TBC1D8: variants seen among roughly 807,000 people sequenced by gnomAD.
TBC1D8 encodes the protein TBC1 domain family member 8.
A neutral mutation model predicts 118.8 loss-of-function variants in TBC1D8; 65 were observed. That is an observed-to-expected ratio of 0.55 (90% CI 0.45 to 0.67). The LOEUF (loss-of-function observed/expected upper bound fraction) is 0.67, where lower values mean the gene tolerates loss of function less well. TBC1D8 is among the 30% of genes least tolerant of loss of function. The pLI is 0.00. For synonymous variants in TBC1D8, 566 were observed against 595.8 expected (o/e 0.95, Z 0.73); for missense variants, 1,376 against 1,471.2 (o/e 0.94, Z 1.06).
chr2:101,028,596 T>G, intron 12 of TBC1D8, 164 bp from the exon 13 acceptor site: 1 of 1,038,042 alleles, frequency 9.6e-7, no homozygotes, highest in Non-Finnish European at 1.3e-6. Context: ...CGAGAGGCAG[T>G]CATGAAGCCC....
chr2:101,063,224 C>T (rs370590269), intron 2 of TBC1D8, among the ~76,000 whole-genome samples: 2 of 152,156 alleles, frequency 1.3e-5, no homozygotes, highest in African/African-American at 4.8e-5. Flanking sequence ...AGCTCCAACA[C>T]AATATATCCC....
chr2:101,053,896 C>A (rs955023182), intron 4 of TBC1D8, among the ~76,000 whole-genome samples: 1 of 152,206 alleles, frequency 6.6e-6, no homozygotes, highest in African/African-American at 2.4e-5. Flanking sequence ...GTGAACTATA[C>A]AGGATGTTTC....
intron 14 of TBC1D8, 67 bp downstream of exon 14, chr2:101,027,981 A>G (rs1475571758): frequency 3.5e-6 from 5 of 1,432,086 alleles, no homozygotes; most frequent in Non-Finnish European, 4.9e-6. Context: ...TATGACCAAA[A>G]AGGATGCGCA....
chr2:101,131,553 A>G (rs1451058472), intron 1 of TBC1D8, among the ~76,000 whole-genome samples: 2 of 150,134 alleles, frequency 1.3e-5, no homozygotes, highest in Non-Finnish European at 3.0e-5. Flanking sequence ...AGTGGCTCAC[A>G]CCTATAATCC....
chr2:101,117,836 A>C (rs1171418687), intron 1 of TBC1D8, among the ~76,000 whole-genome samples: 2 of 149,854 alleles, frequency 1.3e-5, no homozygotes, highest in South Asian at 4.2e-4. Flanking sequence ...CGGCCTCCCA[A>C]AGTGCTGGGA....
chr2:101,102,687 G>A (rs1218563119), intron 1 of TBC1D8, among the ~76,000 whole-genome samples: 2 of 151,978 alleles, frequency 1.3e-5, no homozygotes, highest in Admixed American at 6.6e-5. Flanking sequence ...AAGAAAGCAG[G>A]AGTAGCTGTA....
chr2:101,101,826 A>G (rs752520355), intron 1 of TBC1D8, among the ~76,000 whole-genome samples: 7 of 152,244 alleles, frequency 4.6e-5, no homozygotes, highest in East Asian at 1.9e-4. Flanking sequence ...GTTCTCACTC[A>G]TAAGTGGGAG....
At chr2:101,083,186 T>C (rs560816905) in intron 2 of TBC1D8, among the ~76,000 whole-genome samples, 1 of 152,240 alleles carries the variant, frequency 6.6e-6, no homozygotes, top group African/African-American at 2.4e-5. Context: ...TCCCCACTTA[T>C]TCACCCACTC....
At chr2:101,066,344 A>G (rs960528169) in intron 2 of TBC1D8, among the ~76,000 whole-genome samples, 3 of 152,148 alleles carry the variant, frequency 2.0e-5, no homozygotes, top group East Asian at 1.9e-4. Context: ...ATGGTAGAAG[A>G]AGGTACAGGC....
chr2:101,021,575 C>G (rs1680029785), intron 17 of TBC1D8, 106 bp downstream of exon 17: 6 of 792,384 alleles, frequency 7.6e-6, no homozygotes, highest in Middle Eastern at 2.6e-4. Flanking sequence ...CCTGTTGCCT[C>G]AAGCATAAGT....
rs192481162 is a variant in TBC1D8 at position 101,050,711 on chromosome 2, C to G, written c.632-70G>C. ...AGCCAAACTTGAGTGTGTCAGCAAGCAACTATCCAAAGCTCTCCTTAGGCC... is the reference window on the plus strand; with the variant it reads ...AGCCAAACTTGAGTGTGTCAGCAAGGAACTATCCAAAGCTCTCCTTAGGCC... On this transcript the variant is annotated intron_variant, in intron 4 of 19. Coordinates refer to ENST00000409318, the MANE Select transcript of TBC1D8 (RefSeq NM_001330348.2). 6.2e-5 allele frequency: 97 copies of G among 1,569,242 alleles called. No homozygotes were observed. The Middle Eastern group carries it at 8.5e-4, about 14-fold the overall frequency.
rs569201350 is a variant in TBC1D8 at position 101,051,009 on chromosome 2, G to A, written c.632-368C>T. 1.8e-4 allele frequency among the ~76,000 whole-genome samples: 27 copies of A among 152,320 alleles called. No homozygotes were observed. In the South Asian group the frequency reaches 3.1e-3, roughly 18 times the overall value. On this transcript the variant is annotated intron_variant, in intron 4 of 19. Coordinates refer to ENST00000409318, the MANE Select transcript of TBC1D8 (RefSeq NM_001330348.2). Reference sequence around the variant, plus strand: ...TCCCACTTCTAAGTGGAAACATGCGGTATTTGGTTTTCTTGCGTGTTAATT... The same window carrying A: ...TCCCACTTCTAAGTGGAAACATGCGATATTTGGTTTTCTTGCGTGTTAATT...
chr2:101,056,454 C>A (rs1317754563), intron 3 of TBC1D8, among the ~76,000 whole-genome samples: 1 of 152,052 alleles, frequency 6.6e-6, no homozygotes, highest in Non-Finnish European at 1.5e-5. Flanking sequence ...CACCCGCCTC[C>A]CAAAGTGCTG....
chr2:101,049,920 G>A (rs530114696), intron 5 of TBC1D8, among the ~76,000 whole-genome samples: 4 of 150,812 alleles, frequency 2.7e-5, no homozygotes, highest in East Asian at 2.0e-4. Flanking sequence ...TCCGCCTCCC[G>A]GGTTCACGCC....
chr2:101,056,514 AAATCTGGAGGCT>A (rs1682444348), intron 3 of TBC1D8, among the ~76,000 whole-genome samples: 1 of 152,236 alleles, frequency 6.6e-6, no homozygotes, highest in Non-Finnish European at 1.5e-5. Context: ...TTTTTAAAAG[AAATCTGGAGGCT>A]GATGAAATTT....
intron 1 of TBC1D8, among the ~76,000 whole-genome samples, chr2:101,134,358 G>A (rs1008232301): frequency 1.3e-5 from 2 of 152,146 alleles, no homozygotes; most frequent in East Asian, 3.8e-4. Flanking sequence ...GCCTAAGTTA[G>A]AGTCTTTATA....
At chr2:101,103,693 G>T (rs1677023159) in intron 1 of TBC1D8, among the ~76,000 whole-genome samples, 1 of 151,988 alleles carries the variant, frequency 6.6e-6, no homozygotes, top group African/African-American at 2.4e-5. Flanking sequence ...CGCATGGCCA[G>T]AACTCTTTAA....
At chr2:101,048,420 G>C (rs1681843436) in intron 5 of TBC1D8, among the ~76,000 whole-genome samples, 1 of 152,158 alleles carries the variant, frequency 6.6e-6, no homozygotes, top group African/African-American at 2.4e-5. Context: ...ACTGCCCCAA[G>C]CGTGTCCTTT....
chr2:101,076,462 A>G (rs1439780414), intron 2 of TBC1D8, among the ~76,000 whole-genome samples: 1 of 152,250 alleles, frequency 6.6e-6, no homozygotes, highest in East Asian at 1.9e-4. Context: ...CGCAGCCTAT[A>G]GAGTATTCTT....
Sources: allele counts gnomAD v4.1 joint callset (sites outside exome capture counted in the v4.1 genomes callset), GRCh38; gene constraint gnomAD v4.1.1; transcripts MANE v1.5; gene names NCBI Gene and HGNC (gene_info 2026-07-23, HGNC 2026-07-21).